The following MYO18B variants were observed in gnomAD, a reference collection of about 807,000 sequenced individuals.
The protein encoded by MYO18B is myosin XVIIIB, also known as unconventional myosin-XVIIIb.
In MYO18B, 204 loss-of-function variants were observed where a neutral mutation model predicts 273.0. The ratio of observed to expected loss-of-function variants is 0.75; its 90% CI spans 0.67 to 0.84. MYO18B has a LOEUF of 0.84. Among genes scored for constraint, MYO18B ranks in the 40% least tolerant of loss-of-function variants. MYO18B has a pLI of 0.00. For synonymous variants in MYO18B, 1,330 were observed against 1,305.7 expected (o/e 1.02, Z -0.40); for missense variants, 3,212 against 3,287.6 (o/e 0.98, Z 0.56).
downstream of MYO18B, among the ~76,000 whole-genome samples, chr22:26,031,700 A>G (rs1569315893): frequency 6.6e-6 from 1 of 152,176 alleles, no homozygotes; most frequent in Non-Finnish European, 1.5e-5. Flanking sequence ...CTCATCTCTG[A>G]TCATCCTCAC....
chr22:25,998,527 G>A (rs193158617), intron 40 of MYO18B, among the ~76,000 whole-genome samples: 13 of 152,290 alleles, frequency 8.5e-5, no homozygotes, highest in Admixed American at 2.6e-4. Context: ...ATTTTCCAAC[G>A]TACATCCTTT....
intron 40 of MYO18B, among the ~76,000 whole-genome samples, chr22:26,002,484 G>T (rs554093140): frequency 6.6e-6 from 1 of 152,190 alleles, no homozygotes; most frequent in African/African-American, 2.4e-5. Context: ...GGAGCAGCAG[G>T]TGCAGCTCTT....
intron 35 of MYO18B, 27 bp from the exon 36 acceptor site, chr22:25,947,685 C>G: frequency 2.5e-6 from 4 of 1,587,616 alleles, no homozygotes; most frequent in Non-Finnish European, 1.7e-6. Flanking sequence ...TCTCACCTTG[C>G]CTTGACCACT....
chr22:25,848,279 C>T (rs547872614), intron 20 of MYO18B, among the ~76,000 whole-genome samples: 58 of 152,174 alleles, frequency 3.8e-4, no homozygotes, highest in African/African-American at 1.3e-3. Context: ...CCCAGGGATA[C>T]GGGAGGCCCT....
chr22:25,813,587 G>T (rs376832170), intron 12 of MYO18B, among the ~76,000 whole-genome samples: 1 of 152,108 alleles, frequency 6.6e-6, no homozygotes, highest in African/African-American at 2.4e-5. Flanking sequence ...ATTAAGGAGC[G>T]TGCTCTAGGC....
chr22:25,997,737 T>G (rs1344478903), intron 40 of MYO18B, among the ~76,000 whole-genome samples: 1 of 152,116 alleles, frequency 6.6e-6, no homozygotes, highest in Admixed American at 6.5e-5. Flanking sequence ...CCACCGTCCA[T>G]AGCAGAACCC....
intron 12 of MYO18B, among the ~76,000 whole-genome samples, chr22:25,804,744 G>A (rs1448547064): frequency 1.3e-5 from 2 of 152,248 alleles, no homozygotes; most frequent in Non-Finnish European, 2.9e-5. Context: ...CAGCCTGGAT[G>A]TCAGGGGGTG....
intron 3 of MYO18B, among the ~76,000 whole-genome samples, chr22:25,764,548 G>T (rs1210332808): frequency 6.6e-6 from 1 of 152,194 alleles, no homozygotes; most frequent in Non-Finnish European, 1.5e-5. Context: ...TGCCCGGCTA[G>T]TCCCACATGT....
chr22:25,769,979 C>T, intron 4 of MYO18B, 131 bp from the exon 5 acceptor site: 1 of 912,866 alleles, frequency 1.1e-6, no homozygotes, highest in Non-Finnish European at 1.8e-6. Context: ...AAGCACACTC[C>T]CTCTCCTGTT....
intron 2 of MYO18B, among the ~76,000 whole-genome samples, chr22:25,761,953 C>G (rs1326116457): frequency 6.6e-6 from 1 of 152,120 alleles, no homozygotes; most frequent in Admixed American, 6.6e-5. Flanking sequence ...GAAACCACGT[C>G]TCTACTAAAA....
intron 39 of MYO18B, chr22:25,964,409 G>A (rs866096911): frequency 2.6e-5 from 4 of 152,274 alleles, no homozygotes; most frequent in Non-Finnish European, 4.4e-5. Flanking sequence ...ATTTGAGTGC[G>A]GGTCTGACCG....
Position 25,830,552 on chromosome 22 carries a change from G to T in MYO18B, c.2979+1584G>T, listed in dbSNP as rs140520757. Among the ~76,000 whole-genome samples, 1,039 of 152,280 alleles carry T rather than the reference G, an allele frequency of 6.8e-3. 15 individuals carry two copies. Among genetic ancestry groups the T allele is most frequent in the African/African-American group, 0.024 (985 of 41,548 alleles). On this transcript the variant is annotated intron_variant, in intron 15 of 43. Coordinates refer to ENST00000335473, the MANE Select transcript of MYO18B (RefSeq NM_032608.7). ...GCTGGCCATGAACGGATCTAGGCAG[G>T]CCTTGTCTGGGGTAACCTTGTCCCT...
chr22:25,919,401 A>G (rs1569189955), intron 33 of MYO18B, among the ~76,000 whole-genome samples: 1 of 152,218 alleles, frequency 6.6e-6, no homozygotes, highest in Non-Finnish European at 1.5e-5. Context: ...ATCTTTGCAT[A>G]CTTCAGTTTC....
intron 1 of MYO18B, among the ~76,000 whole-genome samples, chr22:25,753,515 A>T (rs1791871380): frequency 6.6e-6 from 1 of 152,024 alleles, no homozygotes; most frequent in Admixed American, 6.6e-5. Flanking sequence ...AGCACTGGTA[A>T]CCCGCCCGGG....
intron 27 of MYO18B, chr22:25,892,750 AG>A (rs999327030): frequency 1.3e-5 from 2 of 152,166 alleles, no homozygotes; most frequent in African/African-American, 4.8e-5. Context: ...GATGAGTTTG[AG>A]GCTCTCTTAT....
In MYO18B at chr22:25,903,842, C is replaced by T. The variant is rs1410296644; in HGVS notation, c.5148+11C>T. 6.3e-7 allele frequency: 1 copy of T among 1,587,302 alleles called. No homozygotes were observed. The highest frequency in any genetic ancestry group is 1.1e-5 in the South Asian group (1 of 87,088). On this transcript the variant is annotated intron_variant, in intron 31 of 43. Transcript: ENST00000335473. Reference sequence around the variant, plus strand: ...AAGCAGCTGGAGCAGGTAGGAAAGCCCTGTCTCAGGGCAACACCCTGTCCC... The same window carrying T: ...AAGCAGCTGGAGCAGGTAGGAAAGCTCTGTCTCAGGGCAACACCCTGTCCC...
intron 39 of MYO18B, among the ~76,000 whole-genome samples, chr22:25,976,276 T>C (rs550221766): frequency 2.0e-5 from 3 of 152,302 alleles, no homozygotes; most frequent in African/African-American, 7.2e-5. Flanking sequence ...TCAGTGTCTT[T>C]TGGTCAGAAA....
chr22:26,023,184 G>A (rs983276623), intron 42 of MYO18B, among the ~76,000 whole-genome samples: 2 of 151,804 alleles, frequency 1.3e-5, no homozygotes, highest in Non-Finnish European at 2.9e-5. Context: ...CTTCTTTCCT[G>A]TTTAAACTGC....
At position 25,911,101 on chromosome 22, in the gene MYO18B, T is replaced by C. The variant is rs1433996258; in HGVS notation, c.5364+51T>C. 4.4e-6 allele frequency: 6 copies of C among 1,350,108 alleles called. No individual in the cohort carries two copies. The African/African-American group carries it at 5.8e-5, about 13-fold the overall frequency. 83.6% of individuals were successfully genotyped at this position (1,350,108 alleles called of 1,614,324 possible). Reference sequence around the variant, plus strand: ...TCAGAGGAGTATCTCAGGGACCTATTTGAGAGATGGGCTCATGGAGAGAAC... The same window carrying C: ...TCAGAGGAGTATCTCAGGGACCTATCTGAGAGATGGGCTCATGGAGAGAAC... On this transcript the variant is annotated intron_variant, in intron 33 of 43. Transcript: ENST00000335473.
Sources: gnomAD v4.1 joint callset for allele counts (sites outside exome capture counted in the v4.1 genomes callset) on GRCh38, gnomAD v4.1.1 for gene constraint, MANE v1.5 for transcripts, NCBI Gene and HGNC (gene_info 2026-07-23, HGNC 2026-07-21) for gene names.